CNTNAP2: variants seen among roughly 807,000 people sequenced by gnomAD.
The protein encoded by CNTNAP2 is contactin associated protein 2, also known as contactin-associated protein-like 2.
In CNTNAP2, 98 loss-of-function variants were observed where a neutral mutation model predicts 155.2. The observed-to-expected ratio is 0.63, with a 90% CI of 0.54 to 0.75. The LOEUF (loss-of-function observed/expected upper bound fraction) is 0.75, where lower values mean the gene tolerates loss of function less well. Ranked by LOEUF, CNTNAP2 falls within the 30% of genes least tolerant of loss-of-function variation. The pLI is 0.00. For synonymous variants in CNTNAP2, 651 were observed against 631.2 expected (o/e 1.03, Z -0.47); for missense variants, 1,727 against 1,688.1 (o/e 1.02, Z -0.40).
At chr7:146,206,507 C>A (rs1798948758) in intron 1 of CNTNAP2, among the ~76,000 whole-genome samples, 1 of 151,628 alleles carries the variant, frequency 6.6e-6, no homozygotes, top group Admixed American at 6.6e-5. Flanking sequence ...AGTCTAGACC[C>A]AAAAGGGAGG....
chr7:146,625,301 G>C (rs1477060112), intron 1 of CNTNAP2, among the ~76,000 whole-genome samples: 1 of 151,798 alleles, frequency 6.6e-6, no homozygotes, highest in Non-Finnish European at 1.5e-5. Context: ...ACCTGAATCT[G>C]TTTTGAAGGG....
chr7:147,076,882 T>C (rs1800010372), intron 4 of CNTNAP2, among the ~76,000 whole-genome samples: 1 of 152,216 alleles, frequency 6.6e-6, no homozygotes. Context: ...AAACTAGCTA[T>C]TTGCATTTTA....
chr7:147,482,877 C>G (rs967685048), intron 10 of CNTNAP2, among the ~76,000 whole-genome samples: 2 of 151,842 alleles, frequency 1.3e-5, no homozygotes, highest in Non-Finnish European at 2.9e-5. Context: ...GAAACCCTGT[C>G]TCTAATAAAA....
chr7:147,567,656 G>A lies in CNTNAP2; in HGVS notation c.1897+5399G>A, dbSNP rs148546076. Reference sequence around the variant, plus strand: ...TTGAAAATGGTAACCACATGACATGGAGCACAGAGGAGCAGAGGAAAACTA... The same window carrying A: ...TTGAAAATGGTAACCACATGACATGAAGCACAGAGGAGCAGAGGAAAACTA... On this transcript the variant is annotated intron_variant, in intron 12 of 23. Transcript: ENST00000361727. Among the ~76,000 whole-genome samples, 367 of 152,268 alleles carry A rather than the reference G, an allele frequency of 2.4e-3. 4 individuals are homozygous for A. Among genetic ancestry groups the A allele is most frequent in the African/African-American group, 8.4e-3 (348 of 41,544 alleles).
At chr7:147,241,973 A>G (rs1421226980) in intron 8 of CNTNAP2, among the ~76,000 whole-genome samples, 1 of 152,234 alleles carries the variant, frequency 6.6e-6, no homozygotes, top group Non-Finnish European at 1.5e-5. Context: ...AGAATGATGT[A>G]TAAAAAAATC....
At chr7:147,359,385 C>T (rs1234480679) in intron 9 of CNTNAP2, among the ~76,000 whole-genome samples, 1 of 152,126 alleles carries the variant, frequency 6.6e-6, no homozygotes, top group Non-Finnish European at 1.5e-5. Flanking sequence ...TCTTTGAATT[C>T]ATCTCCCTTT....
chr7:147,475,297 A>T (rs911586530), intron 10 of CNTNAP2, among the ~76,000 whole-genome samples: 2 of 152,184 alleles, frequency 1.3e-5, no homozygotes, highest in African/African-American at 4.8e-5. Context: ...AAATTAATAG[A>T]CTTTATCAAA....
chr7:147,368,606 A>C (rs954889439), intron 9 of CNTNAP2, among the ~76,000 whole-genome samples: 1 of 152,088 alleles, frequency 6.6e-6, no homozygotes, highest in Non-Finnish European at 1.5e-5. Flanking sequence ...TCAGTCTGAG[A>C]GCAGGAGCAG....
At chr7:147,275,506 T>C (rs1431969854) in intron 8 of CNTNAP2, among the ~76,000 whole-genome samples, 2 of 152,068 alleles carry the variant, frequency 1.3e-5, no homozygotes, top group African/African-American at 4.8e-5. Context: ...ATAGAAATGA[T>C]ACTGATTTTT....
At chr7:147,071,121 G>A (rs1383854823) in intron 4 of CNTNAP2, among the ~76,000 whole-genome samples, 1 of 152,030 alleles carries the variant, frequency 6.6e-6, no homozygotes, top group Non-Finnish European at 1.5e-5. Context: ...GCTGTGTAAA[G>A]CAATTCAACC....
intron 1 of CNTNAP2, among the ~76,000 whole-genome samples, chr7:146,684,639 C>CAAGAAAAAAAA (rs1800563012): frequency 1.6e-5 from 1 of 63,514 alleles, no homozygotes; most frequent in Non-Finnish European, 2.8e-5. Flanking sequence ...AGATCCAGCG[C>CAAGAAAAAAAA]AAAAAAAAAA....
At chr7:146,276,231 C>T (rs1800161339) in intron 1 of CNTNAP2, among the ~76,000 whole-genome samples, 1 of 152,174 alleles carries the variant, frequency 6.6e-6, no homozygotes, top group African/African-American at 2.4e-5. Context: ...TAGAACCAGA[C>T]ATTTATTTGC....
At position 146,718,902 on chromosome 7, in the gene CNTNAP2, G is replaced by T. The variant is rs145446778; in HGVS notation, c.98-55369G>T. Among the ~76,000 whole-genome samples the T allele has an allele frequency of 4.7e-4, 71 of 152,118 alleles. 1 individual carries two copies. The highest frequency in any genetic ancestry group is 1.7e-3 in the African/African-American group (69 of 41,522). On this transcript the variant is annotated intron_variant, in intron 1 of 23. Transcript: ENST00000361727. The stretch of plus-strand genomic sequence containing the variant: ...ATGCCAAAGTTAAGCATGCAACCTC[G>T]GTCTTCATGTTCACAAGTTGAAATG...
At chr7:148,403,875 A>G (rs911343761) in intron 22 of CNTNAP2, among the ~76,000 whole-genome samples, 6 of 83,520 alleles carry the variant, frequency 7.2e-5, no homozygotes, top group Non-Finnish European at 2.0e-4. Context: ...TGCTCACACT[A>G]AACAAACAAA....
intron 9 of CNTNAP2, among the ~76,000 whole-genome samples, chr7:147,361,028 G>A (rs1796139746): frequency 6.6e-6 from 1 of 152,140 alleles, no homozygotes; most frequent in Non-Finnish European, 1.5e-5. Flanking sequence ...AGAGTTCACA[G>A]ACATAAAGGC....
At chr7:147,886,707 T>TAC (rs1799606434) in intron 13 of CNTNAP2, among the ~76,000 whole-genome samples, 1 of 152,082 alleles carries the variant, frequency 6.6e-6, no homozygotes, top group Non-Finnish European at 1.5e-5. Flanking sequence ...AGTGGCACCT[T>TAC]ACACATGTTT....
At chr7:146,960,918 C>A (rs563058607) in intron 3 of CNTNAP2, among the ~76,000 whole-genome samples, 1 of 152,248 alleles carries the variant, frequency 6.6e-6, no homozygotes, top group African/African-American at 2.4e-5. Context: ...TCACTGTGTG[C>A]TAAAGGACAT....
At chr7:147,866,055 C>T (rs180850674) in intron 13 of CNTNAP2, among the ~76,000 whole-genome samples, 36 of 152,254 alleles carry the variant, frequency 2.4e-4, no homozygotes, top group Admixed American at 1.7e-3. Flanking sequence ...CTCTTGTGGG[C>T]ATTTAGTGCT....
intron 18 of CNTNAP2, among the ~76,000 whole-genome samples, chr7:148,196,077 T>C (rs1352392728): frequency 1.3e-5 from 2 of 152,202 alleles, no homozygotes; most frequent in African/African-American, 4.8e-5. Context: ...AAACACTAAT[T>C]GAAAGCAAAA....
Sources: gnomAD v4.1 joint callset for allele counts (sites outside exome capture counted in the v4.1 genomes callset) on GRCh38, gnomAD v4.1.1 for gene constraint, MANE v1.5 for transcripts, NCBI Gene and HGNC (gene_info 2026-07-23, HGNC 2026-07-21) for gene names.